Variants in AKAP7 observed in about 807,000 individuals in gnomAD.
AKAP7 encodes the protein A-kinase anchoring protein 7.
Under a neutral mutation model 39.5 loss-of-function variants are expected in AKAP7, and 39 were observed. The ratio of observed to expected loss-of-function variants is 0.99; its 90% CI spans 0.76 to 1.29. AKAP7 has a LOEUF of 1.29. Ranked by LOEUF, AKAP7 falls within the 50% of genes most tolerant of loss-of-function variation. The probability of loss-of-function intolerance (pLI) is 0.00; values close to 1 mark genes in which losing one functional copy is unlikely to be tolerated. For missense variants in AKAP7, 414 were observed against 407.7 expected, an observed-to-expected ratio of 1.02 and a Z score of -0.13; for synonymous variants, 140 against 139.1, an observed-to-expected ratio of 1.01 and a Z score of -0.05.
chr6:131,125,792 A>C, the AKAP7 span, among the ~76,000 whole-genome samples: 1 of 152,244 alleles, frequency 6.6e-6, no homozygotes, highest in Non-Finnish European at 1.5e-5. Context: ...GTTCCTCAGG[A>C]TTCAGGTAGT....
At position 131,145,358 on chromosome 6, in the gene AKAP7, T is replaced by C. The variant is rs113449995; in HGVS notation, c.93T>C (p.Thr31=). 6.4e-7 allele frequency: 1 copy of C among 1,571,748 alleles called. No homozygotes were observed. Among genetic ancestry groups the C allele is most frequent in the East Asian group, 2.3e-5 (1 of 43,800 alleles). Reference sequence around the variant, plus strand: ...TGTCAGAGGAATTTGAAGCCAATACTATGGATTCTCTGGTAGACATGCCAT... The same window carrying C: ...TGTCAGAGGAATTTGAAGCCAATACCATGGATTCTCTGGTAGACATGCCAT... ...KKMSEEFEAN[T]MDSLVDMPFA... is the part of the protein sequence containing the mutation. Residue 31 remains threonine, a synonymous_variant, in exon 2 of 8, where the codon ACT becomes ACC. Transcript: ENST00000431975.
intron 5 of AKAP7, among the ~76,000 whole-genome samples, chr6:131,183,417 C>T (rs1265087137): frequency 6.6e-6 from 1 of 152,100 alleles, no homozygotes; most frequent in Non-Finnish European, 1.5e-5. Flanking sequence ...CAGTTCAGGG[C>T]AGGAGGCTGA....
intron 7 of AKAP7, among the ~76,000 whole-genome samples, chr6:131,276,847 T>C (rs1345282406): frequency 6.6e-6 from 1 of 152,170 alleles, no homozygotes; most frequent in East Asian, 1.9e-4. Context: ...GGCACCTAGA[T>C]ACTGGCAATG....
In AKAP7 at chr6:131,165,542, C is replaced by G. The variant is rs561848393; in HGVS notation, c.428+325C>G. Reference sequence around the variant, plus strand: ...TCATGGCAAAACCACCTCTTATTATCTGCCTTACTTTGGGCAAATCATGTA... The same window carrying G: ...TCATGGCAAAACCACCTCTTATTATGTGCCTTACTTTGGGCAAATCATGTA... On this transcript the variant is annotated intron_variant, in intron 4 of 7. Transcript: ENST00000431975. 5.9e-4 allele frequency among the ~76,000 whole-genome samples: 90 copies of G among 152,228 alleles called. 1 individual carries two copies. The highest frequency in any genetic ancestry group is 9.6e-4 in the Non-Finnish European group (65 of 68,010).
chr6:131,253,160 C>T (rs774121354), intron 7 of AKAP7: 39 of 1,513,874 alleles, frequency 2.6e-5, no homozygotes, highest in East Asian at 2.3e-4. Flanking sequence ...CTGCTTTTGC[C>T]GTTTGGTGGT....
Position 131,205,223 on chromosome 6 carries a change from TA to T in AKAP7, c.702+5655del, listed in dbSNP as rs553543075. 1.2e-4 allele frequency among the ~76,000 whole-genome samples: 19 copies of T among 152,296 alleles called. 1 individual carries two copies. Among genetic ancestry groups the T allele is most frequent in the Non-Finnish European group, 7.4e-5 (5 of 68,018 alleles). The stretch of plus-strand genomic sequence containing the variant: ...TTTTAATCATCTAGTCATTGTCATT[TA>T]AAAAGTAACCTGAAAAGCTGTTACC... On this transcript the variant is annotated intron_variant, in intron 6 of 7. Coordinates refer to ENST00000431975, the MANE Select transcript of AKAP7 (RefSeq NM_016377.4).
intron 1 of AKAP7, among the ~76,000 whole-genome samples, chr6:131,141,230 T>C (rs1800998369): frequency 6.6e-6 from 1 of 152,172 alleles, no homozygotes; most frequent in Non-Finnish European, 1.5e-5. Flanking sequence ...GGATCCCTCA[T>C]GAATGGCTTG....
chr6:131,278,468 A>G (rs1303377947), intron 7 of AKAP7, among the ~76,000 whole-genome samples: 1 of 152,164 alleles, frequency 6.6e-6, no homozygotes, highest in Non-Finnish European at 1.5e-5. Context: ...AGTATAGGGT[A>G]TTAGTCCGTT....
chr6:131,135,282 CA>C (rs1373282303), upstream of AKAP7, among the ~76,000 whole-genome samples: 1 of 152,232 alleles, frequency 6.6e-6, no homozygotes, highest in East Asian at 1.9e-4. Flanking sequence ...TGAGGGCTGC[CA>C]AAGGCCGTCG....
At chr6:131,237,102 G>A (rs532425986) in intron 7 of AKAP7, among the ~76,000 whole-genome samples, 1 of 152,254 alleles carries the variant, frequency 6.6e-6, no homozygotes, top group East Asian at 1.9e-4. Context: ...TTTATTGAGA[G>A]TTTTTAGCAT....
At chr6:131,248,101 G>A (rs1366910073) in intron 7 of AKAP7, among the ~76,000 whole-genome samples, 2 of 152,188 alleles carry the variant, frequency 1.3e-5, no homozygotes, top group Non-Finnish European at 2.9e-5. Context: ...ATGGCAGCTA[G>A]TAGGGCACAA....
At chr6:131,280,565 T>C (rs1489980630) in intron 7 of AKAP7, among the ~76,000 whole-genome samples, 1 of 152,190 alleles carries the variant, frequency 6.6e-6, no homozygotes, top group Non-Finnish European at 1.5e-5. Flanking sequence ...CTAGAACCCA[T>C]GGGTAATCTT....
chr6:131,169,674 G>C (rs1803841478), intron 5 of AKAP7, among the ~76,000 whole-genome samples: 1 of 152,192 alleles, frequency 6.6e-6, no homozygotes, highest in African/African-American at 2.4e-5. Context: ...TGGAGAACAT[G>C]TTGCCTTGTG....
At chr6:131,178,237 T>A (rs112437992) in intron 5 of AKAP7, among the ~76,000 whole-genome samples, 2,062 of 152,350 alleles carry the variant, frequency 0.014, 22 homozygotes, top group South Asian at 0.018. Context: ...CTGTGCAGCC[T>A]GTTACCAGCT....
intron 5 of AKAP7, among the ~76,000 whole-genome samples, chr6:131,174,975 T>C: frequency 6.6e-6 from 1 of 151,438 alleles, no homozygotes; most frequent in Non-Finnish European, 1.5e-5. Context: ...ACTAATAGTC[T>C]ACTATTGACT....
intron 7 of AKAP7, chr6:131,250,155 G>A: frequency 1.0e-6 from 1 of 988,502 alleles, no homozygotes; most frequent in Non-Finnish European, 1.2e-6. Context: ...GAATTTTCAT[G>A]TGTAATTACT....
intron 5 of AKAP7, chr6:131,184,232 A>G (rs1025927151): frequency 7.6e-5 from 32 of 418,566 alleles, no homozygotes; most frequent in Admixed American, 2.1e-4. Context: ...GGACTTGTGA[A>G]GGAGAGGAGG....
At chr6:131,203,518 G>A (rs900906562) in intron 6 of AKAP7, among the ~76,000 whole-genome samples, 10 of 152,082 alleles carry the variant, frequency 6.6e-5, no homozygotes, top group African/African-American at 2.4e-4. Context: ...TATTTAAAAA[G>A]TTACTTTAAT....
intron 3 of AKAP7, among the ~76,000 whole-genome samples, chr6:131,162,057 C>A (rs1425749235): frequency 6.6e-6 from 1 of 152,150 alleles, no homozygotes; most frequent in Non-Finnish European, 1.5e-5. Context: ...TTCCTTACTC[C>A]TAGGGGAGAC....
Sources: gnomAD v4.1 joint callset for allele counts (sites outside exome capture counted in the v4.1 genomes callset) on GRCh38, gnomAD v4.1.1 for gene constraint, MANE v1.5 for transcripts, NCBI Gene and HGNC (gene_info 2026-07-23, HGNC 2026-07-21) for gene names.